CMIP: variants seen among roughly 807,000 people sequenced by gnomAD.
CMIP encodes the protein c-Maf inducing protein.
In CMIP, 13 loss-of-function variants were observed where a neutral mutation model predicts 97.3. That is an observed-to-expected ratio of 0.13 (90% confidence interval 0.09 to 0.21). The LOEUF (loss-of-function observed/expected upper bound fraction) is 0.21, where lower values mean the gene tolerates loss of function less well. Among genes scored for constraint, CMIP ranks in the 10% least tolerant of loss-of-function variants. The pLI is 1.00. For missense variants in CMIP, 847 were observed against 1,024.9 expected (o/e 0.83, Z 2.37); for synonymous variants, 538 against 436.3 (o/e 1.23, Z -2.91).
chr16:81,686,445 T>C (rs1395742903), intron 10 of CMIP, among the ~76,000 whole-genome samples: 2 of 152,178 alleles, frequency 1.3e-5, no homozygotes, highest in Non-Finnish European at 2.9e-5. Flanking sequence ...CTGTCAGTCC[T>C]CATCTGCCTC....
At chr16:81,515,711 G>C (rs2089899751) in intron 1 of CMIP, among the ~76,000 whole-genome samples, 4 of 152,196 alleles carry the variant, frequency 2.6e-5, no homozygotes, top group African/African-American at 9.6e-5. Context: ...GTCTGGGCCT[G>C]TTTGCCCTTG....
At chr16:81,470,381 A>G (rs937053238) in intron 1 of CMIP, among the ~76,000 whole-genome samples, 1 of 152,224 alleles carries the variant, frequency 6.6e-6, no homozygotes, top group Admixed American at 6.5e-5. Flanking sequence ...GGGCATCTGC[A>G]GGGTGCTTTT....
chr16:81,636,647 A>G (rs2092240221), intron 3 of CMIP, among the ~76,000 whole-genome samples: 1 of 151,950 alleles, frequency 6.6e-6, no homozygotes, highest in Non-Finnish European at 1.5e-5. Flanking sequence ...AAGATACAAT[A>G]TCACCGTCAT....
At chr16:81,503,203 C>G (rs1184738375) in intron 1 of CMIP, among the ~76,000 whole-genome samples, 1 of 152,154 alleles carries the variant, frequency 6.6e-6, no homozygotes, top group Non-Finnish European at 1.5e-5. Context: ...ATCCCTCAGT[C>G]CCAGGGAAAC....
chr16:81,530,459 T>C (rs2090211334), intron 1 of CMIP, among the ~76,000 whole-genome samples: 1 of 152,130 alleles, frequency 6.6e-6, no homozygotes, highest in African/African-American at 2.4e-5. Context: ...CAGATTTCTC[T>C]TGGTGGGAGG....
chr16:81,471,450 A>G (rs1186796776), intron 1 of CMIP, among the ~76,000 whole-genome samples: 1 of 152,234 alleles, frequency 6.6e-6, no homozygotes, highest in Admixed American at 6.5e-5. Flanking sequence ...GTACATGCAT[A>G]TGTACACATA....
chr16:81,586,287 C>G (rs776666464), intron 1 of CMIP, among the ~76,000 whole-genome samples: 16 of 152,134 alleles, frequency 1.1e-4, no homozygotes, highest in Non-Finnish European at 2.1e-4. Context: ...TTTGATAACA[C>G]AGTTTACTGT....
chr16:81,611,080 G>A (rs1038283710), intron 2 of CMIP, among the ~76,000 whole-genome samples: 138 of 152,302 alleles, frequency 9.1e-4, no homozygotes, highest in African/African-American at 3.0e-3. Context: ...CAGCAGCCAC[G>A]CATGGCAGCC....
chr16:81,445,005 C>T lies in CMIP; in HGVS notation c.-237C>T, dbSNP rs964463710. Among the ~76,000 whole-genome samples the T allele has an allele frequency of 2.1e-5, 3 of 145,810 alleles. No individual in the cohort carries two copies. The highest frequency in any genetic ancestry group is 5.0e-5 in the African/African-American group (2 of 40,396). ...CCGGTCAGCCGCCGCGAGCATGCAC[C>T]CGACGAGCTAGGAGGAAGCCCGGAG... is the stretch of plus-strand genomic sequence containing the variant. On this transcript the variant is annotated 5_prime_UTR_variant, in exon 1 of 21. Transcript: ENST00000537098.
rs116980305 is a variant in CMIP, at chr16:81,485,253, T to C, written c.300+39712T>C. On this transcript the variant is annotated intron_variant, in intron 1 of 20. Transcript: ENST00000537098. Reference sequence around the variant, plus strand: ...TTTTCCTAGTATAATATGTTCTCCATCCATCTCCTTGTGAGCTCATATCTG... The same window carrying C: ...TTTTCCTAGTATAATATGTTCTCCACCCATCTCCTTGTGAGCTCATATCTG... Among the ~76,000 whole-genome samples the C allele has an allele frequency of 7.6e-3, 1,162 of 152,368 alleles. 11 individuals are homozygous for C. Among genetic ancestry groups the C allele is most frequent in the Non-Finnish European group, 0.012 (783 of 68,042 alleles).
At chr16:81,651,179 A>T (rs540131159) in intron 3 of CMIP, 1 of 152,360 alleles carries the variant, frequency 6.6e-6, no homozygotes, top group East Asian at 1.9e-4. Context: ...CTCCCTAAGG[A>T]GCAGAGCACT....
chr16:81,604,741 C>A (rs1299316774), intron 1 of CMIP, among the ~76,000 whole-genome samples: 1 of 152,026 alleles, frequency 6.6e-6, no homozygotes, highest in African/African-American at 2.4e-5. Flanking sequence ...TTATTTATAC[C>A]CAACCTTTCC....
intron 2 of CMIP, among the ~76,000 whole-genome samples, chr16:81,609,163 A>G (rs566373631): frequency 7.5e-5 from 11 of 146,726 alleles, no homozygotes; most frequent in Admixed American, 1.4e-4. Context: ...CCCTGTCCCC[A>G]CACCCCCACA....
At chr16:81,556,042 C>A (rs979878602) in intron 1 of CMIP, among the ~76,000 whole-genome samples, 29 of 152,186 alleles carry the variant, frequency 1.9e-4, no homozygotes, top group Admixed American at 1.8e-3. Flanking sequence ...TCACCGTCTT[C>A]TCTGTCTGAA....
chr16:81,602,923 C>G lies in CMIP; in HGVS notation c.301-4644C>G, dbSNP rs551983018. On this transcript the variant is annotated intron_variant, in intron 1 of 20. Coordinates refer to ENST00000537098, the MANE Select transcript of CMIP (RefSeq NM_198390.3). ...ATAATCCCAGCGATAGGAAAGTACC[C>G]AGAACGGCAGAGGTGCCTGGGCAGT... is the stretch of plus-strand genomic sequence containing the variant. Among the ~76,000 whole-genome samples, 8 of 152,274 alleles carry G rather than the reference C, an allele frequency of 5.3e-5. No homozygotes were observed. The South Asian group carries it at 8.3e-4, about 16-fold the overall frequency.
intron 13 of CMIP, among the ~76,000 whole-genome samples, chr16:81,694,875 A>G (rs1402240025): frequency 1.3e-5 from 2 of 152,246 alleles, no homozygotes. Flanking sequence ...GGAGGGAAAA[A>G]GGAGAAACGG....
chr16:81,617,605 G>A (rs533587187), intron 2 of CMIP: 6 of 152,480 alleles, frequency 3.9e-5, no homozygotes, highest in African/African-American at 1.4e-4. Flanking sequence ...CTGGGGAAGG[G>A]AGTCTCCTCT....
At chr16:81,586,209 C>G (rs2091379990) in intron 1 of CMIP, among the ~76,000 whole-genome samples, 1 of 152,100 alleles carries the variant, frequency 6.6e-6, no homozygotes, top group African/African-American at 2.4e-5. Context: ...TTACCAGGCT[C>G]TTTCAGAGAT....
At chr16:81,643,981 G>C (rs1057288340) in intron 3 of CMIP, among the ~76,000 whole-genome samples, 1 of 152,090 alleles carries the variant, frequency 6.6e-6, no homozygotes, top group African/African-American at 2.4e-5. Context: ...GAGGCACTAG[G>C]GTTGTCCCTA....
Sources: gnomAD v4.1 joint callset for allele counts (sites outside exome capture counted in the v4.1 genomes callset) on GRCh38, gnomAD v4.1.1 for gene constraint, MANE v1.5 for transcripts, NCBI Gene and HGNC (gene_info 2026-07-23, HGNC 2026-07-21) for gene names.